The following NBEA variants were observed in gnomAD, a reference collection of about 807,000 sequenced individuals.
NBEA encodes the protein neurobeachin.
NBEA carries 44 observed loss-of-function variants against 343.4 expected under a neutral mutation model. The observed-to-expected ratio is 0.13, with a 90% CI of 0.10 to 0.16. The LOEUF is 0.16. NBEA is among the 10% of genes least tolerant of loss of function. The pLI is 1.00. For synonymous variants in NBEA, 1,175 were observed against 1,238.7 expected (o/e 0.95, Z 1.08); for missense variants, 2,555 against 3,631.3 (o/e 0.70, Z 7.62).
chr13:35,523,908 A>T (rs1007248605), intron 41 of NBEA, among the ~76,000 whole-genome samples: 1 of 151,600 alleles, frequency 6.6e-6, no homozygotes, highest in Non-Finnish European at 1.5e-5. Flanking sequence ...CTTTTTTAAG[A>T]TTTAAATTGA....
chr13:35,081,475 GAAAC>G (rs536469690), intron 10 of NBEA, among the ~76,000 whole-genome samples: 316 of 151,004 alleles, frequency 2.1e-3, no homozygotes, highest in African/African-American at 6.6e-3. Flanking sequence ...TTTTTTCATA[GAAAC>G]AAACAAATTC....
chr13:35,138,164 T>C (rs2067850449), intron 17 of NBEA, among the ~76,000 whole-genome samples: 1 of 152,162 alleles, frequency 6.6e-6, no homozygotes, highest in African/African-American at 2.4e-5. Context: ...AGATCTACTT[T>C]TTACATACCA....
At chr13:35,413,633 A>G (rs1488415763) in intron 38 of NBEA, among the ~76,000 whole-genome samples, 1 of 152,154 alleles carries the variant, frequency 6.6e-6, no homozygotes, top group African/African-American at 2.4e-5. Context: ...TCTAAAAATA[A>G]CACCAAGTTC....
chr13:35,519,416 T>C (rs1361583858), intron 41 of NBEA, among the ~76,000 whole-genome samples: 1 of 152,194 alleles, frequency 6.6e-6, no homozygotes, highest in African/African-American at 2.4e-5. Flanking sequence ...GTCCCTTTCA[T>C]TGACCTTATT....
Position 35,654,947 on chromosome 13 carries a change from A to G in NBEA, c.8128A>G (p.Asn2710Asp), listed in dbSNP as rs769588176. The G allele has an allele frequency of 3.7e-5, 59 of 1,589,118 alleles. No individual in the cohort carries two copies. The Admixed American group carries it at 9.3e-4, about 25-fold the overall frequency. The change falls in exon 54 of 59, where the codon AAT (asparagine) becomes GAT (aspartate). Residue 2710 changes from asparagine to aspartate, a missense_variant. Asn to Asp is a conservative substitution (Grantham distance 23). This residue lies in a region of NBEA where 186 missense variants were observed against 328.9 expected (regional missense o/e 0.57). Coordinates refer to ENST00000379939, the MANE Select transcript of NBEA (RefSeq NM_001385012.1). ...NAHCFVVTADNRYILICGFWD... is the reference protein window; with the variant it reads ...NAHCFVVTADDRYILICGFWD... ...ACATTGTTTTGTGGTAACAGCAGAT[A>G]ATCGCTATATTCTTATCTGTGGATT...
chr13:35,282,806 A>G (rs1219547177), intron 34 of NBEA, among the ~76,000 whole-genome samples: 1 of 152,178 alleles, frequency 6.6e-6, no homozygotes, highest in Non-Finnish European at 1.5e-5. Context: ...TTAGACTCTT[A>G]CATAAATCTG....
intron 13 of NBEA, among the ~76,000 whole-genome samples, chr13:35,111,913 CTTTTTTTT>C (rs773135374): frequency 1.6e-5 from 2 of 122,754 alleles, no homozygotes; most frequent in Admixed American, 1.7e-4. Flanking sequence ...TAACACTTTC[CTTTTTTTT>C]TTTTTTTTTT....
intron 45 of NBEA, among the ~76,000 whole-genome samples, chr13:35,574,406 A>C (rs200013765): frequency 9.5e-6 from 1 of 105,058 alleles, no homozygotes; most frequent in African/African-American, 4.4e-5. Flanking sequence ...CAAAAGAAAA[A>C]AAACAAGGAA....
chr13:35,515,706 A>C (rs116919504), intron 41 of NBEA, among the ~76,000 whole-genome samples: 5,553 of 150,182 alleles, frequency 0.037, 159 homozygotes, highest in Non-Finnish European at 0.056. Flanking sequence ...AGCAGTTTTT[A>C]CTCTCCATTT....
intron 40 of NBEA, among the ~76,000 whole-genome samples, chr13:35,463,456 G>A (rs1007604602): frequency 6.6e-5 from 10 of 151,800 alleles, no homozygotes; most frequent in South Asian, 6.2e-4. Context: ...AACCCCATCC[G>A]TACGAAAAAA....
At chr13:35,345,428 T>G (rs2039816766) in intron 36 of NBEA, among the ~76,000 whole-genome samples, 1 of 152,046 alleles carries the variant, frequency 6.6e-6, no homozygotes. Flanking sequence ...ATTTATTTAT[T>G]TATATATTTA....
At chr13:35,323,609 A>C (rs2038331170) in intron 36 of NBEA, among the ~76,000 whole-genome samples, 1 of 151,298 alleles carries the variant, frequency 6.6e-6, no homozygotes, top group African/African-American at 2.4e-5. Flanking sequence ...GATATACCTA[A>C]TGCTAGATGA....
At chr13:35,294,849 A>G (rs1001162685) in intron 35 of NBEA, among the ~76,000 whole-genome samples, 4 of 152,018 alleles carry the variant, frequency 2.6e-5, no homozygotes, top group Non-Finnish European at 5.9e-5. Flanking sequence ...AGCCCTGACG[A>G]TGCAAGGTAT....
chr13:35,112,344 A>G (rs556313042), intron 13 of NBEA, among the ~76,000 whole-genome samples: 1 of 152,198 alleles, frequency 6.6e-6, no homozygotes, highest in African/African-American at 2.4e-5. Context: ...CAAGCACTCT[A>G]CATGTTAATT....
chr13:35,263,030 G>C (rs1422467828), intron 34 of NBEA, among the ~76,000 whole-genome samples: 1 of 152,100 alleles, frequency 6.6e-6, no homozygotes, highest in Non-Finnish European at 1.5e-5. Flanking sequence ...TCCTGAAAAA[G>C]AAGAGCAAAG....
chr13:35,668,388 C>T lies in NBEA; in HGVS notation c.8682C>T (p.Asp2894=), dbSNP rs368738439. The part of the protein sequence containing the change: ...DSTRAILLSS[D]GQNLVTGGDN... ...TGAAGGCCATTCTCCTGAGCAGTGACGGCCAGAACCTGGTCACCGGAGGGG... is the reference window on the plus strand; with the variant it reads ...TGAAGGCCATTCTCCTGAGCAGTGATGGCCAGAACCTGGTCACCGGAGGGG... The change falls in exon 58 of 59, where the codon GAC becomes GAT. Residue 2894 remains aspartate (D), a synonymous_variant. Transcript: ENST00000379939. 143 of 1,608,010 alleles carry T rather than the reference C, an allele frequency of 8.9e-5. 1 individual carries two copies. The East Asian group carries it at 9.8e-4, about 11-fold the overall frequency.
At chr13:35,450,222 C>T (rs1272408250) in intron 39 of NBEA, among the ~76,000 whole-genome samples, 23 of 152,048 alleles carry the variant, frequency 1.5e-4, no homozygotes, top group Admixed American at 1.5e-3. Flanking sequence ...TGCGTATAAT[C>T]CCAGCACTTT....
intron 30 of NBEA, 120 bp downstream of exon 30, chr13:35,184,191 A>G: frequency 1.5e-6 from 1 of 650,914 alleles, no homozygotes. Context: ...TCATGGAGAT[A>G]TGATATGTTG....
intron 45 of NBEA, among the ~76,000 whole-genome samples, chr13:35,576,314 A>C (rs998763798): frequency 7.2e-5 from 11 of 151,780 alleles, no homozygotes; most frequent in African/African-American, 2.7e-4. Flanking sequence ...ATGGGGTTTC[A>C]TCATGTTGGC....
Sources: gnomAD v4.1 joint callset for allele counts (sites outside exome capture counted in the v4.1 genomes callset) on GRCh38, gnomAD v4.1.1 for gene constraint, gnomAD v4.1.1 regional missense constraint, MANE v1.5 for transcripts, NCBI Gene and HGNC (gene_info 2026-07-23, HGNC 2026-07-21) for gene names.